CNOT3: variants seen among roughly 807,000 people sequenced by gnomAD.
The protein encoded by CNOT3 is CCR4-NOT transcription complex subunit 3, also known as CCR4-associated factor 3.
A neutral mutation model predicts 89.4 loss-of-function variants in CNOT3; 2 were observed. The observed-to-expected ratio is 0.02, with a 90% confidence interval of 0.01 to 0.07. The LOEUF (loss-of-function observed/expected upper bound fraction) is 0.07, where lower values mean the gene tolerates loss of function less well. Ranked by LOEUF, CNOT3 falls within the 10% of genes least tolerant of loss-of-function variation. The pLI is 1.00. For missense variants in CNOT3, 664 were observed against 1,010.2 expected, an observed-to-expected ratio of 0.66 and a Z score of 4.65; for synonymous variants, 486 against 402.0, an observed-to-expected ratio of 1.21 and a Z score of -2.50.
Position 54,145,932 on chromosome 19 carries a change from C to T in CNOT3, c.726C>T (p.Ser242=), listed in dbSNP as rs746793484. 1.2e-6 allele frequency: 2 copies of T among 1,613,702 alleles called. No individual in the cohort carries two copies. The highest frequency in any genetic ancestry group is 3.3e-5 in the Admixed American group (2 of 60,010). Residue 242 remains serine, a synonymous_variant, in exon 9 of 18, where the codon TCC becomes TCT. Coordinates refer to ENST00000221232, the MANE Select transcript of CNOT3 (RefSeq NM_014516.4). This position sits in a 1 kb window ranked among gnomAD's most constrained non-coding sequence, Gnocchi z 5.9. The stretch of plus-strand genomic sequence containing the variant: ...CAGCACAGGCGCTGGTCGCCACCTC[C>T]CCCCCCAGCCACAGCCACATGGAGG... ...EDIPQALVAT[S]PPSHSHMEDE...
chr19:54,145,470 C>T lies in CNOT3; in HGVS notation c.484-128C>T. On this transcript the variant is annotated intron_variant, in intron 7 of 17. Coordinates refer to ENST00000221232, the MANE Select transcript of CNOT3 (RefSeq NM_014516.4). The surrounding 1 kb of genome is among the most constrained non-coding windows in gnomAD (Gnocchi z 5.9). The stretch of plus-strand genomic sequence containing the variant: ...TGGGTGGACCCCATACTGCCCCACC[C>T]CGAAGGGGATGGCGTGGAGGCTTTG... 1 of 673,458 alleles carries T rather than the reference C, an allele frequency of 1.5e-6. No individual in the cohort carries two copies. The highest frequency in any genetic ancestry group is 1.8e-5 in the African/African-American group (1 of 55,814). The allele number at this position is 673,458 out of a possible 1,614,324, so 41.7% of individuals were successfully genotyped here.
In CNOT3 at chr19:54,145,309, G is replaced by A. The variant is rs1021227735; in HGVS notation, c.484-289G>A. On this transcript the variant is annotated intron_variant, in intron 7 of 17. Coordinates refer to ENST00000221232, the MANE Select transcript of CNOT3 (RefSeq NM_014516.4). This position sits in a 1 kb window ranked among gnomAD's most constrained non-coding sequence, Gnocchi z 5.9. ...GTGAGGTGCAGATGGAGGCCAAGTC[G>A]TGGGATGGCACAAGGACCTCTGGGT... Among the ~76,000 whole-genome samples the A allele has an allele frequency of 6.6e-6, 1 of 152,138 alleles. No homozygotes were observed. Among genetic ancestry groups the A allele is most frequent in the South Asian group, 2.1e-4 (1 of 4,834 alleles).
chr19:54,138,269 C>T (rs1259839697), intron 1 of CNOT3, among the ~76,000 whole-genome samples: 1 of 152,192 alleles, frequency 6.6e-6, no homozygotes, highest in African/African-American at 2.4e-5. Context: ...CCCGCCGCCG[C>T]CTCCCCGCGT....
chr19:54,147,657 C>T (rs753717272), intron 10 of CNOT3, among the ~76,000 whole-genome samples: 21 of 152,192 alleles, frequency 1.4e-4, no homozygotes, highest in Non-Finnish European at 2.6e-4. Context: ...ACCCTCCCAC[C>T]ACTTTCTGGA....
chr19:54,149,466 C>T, intron 12 of CNOT3, 94 bp from the exon 13 acceptor site: 1 of 710,004 alleles, frequency 1.4e-6, no homozygotes, highest in East Asian at 2.8e-5. Context: ...CCCATCTGAT[C>T]TGTGCAGTCT....
Position 54,142,973 on chromosome 19 carries a change from G to A in CNOT3, c.-6G>A. 6.2e-7 allele frequency: 1 copy of A among 1,613,966 alleles called. No individual in the cohort carries two copies. Among genetic ancestry groups the A allele is most frequent in the East Asian group, 2.2e-5 (1 of 44,880 alleles). ...ATGAAGAGAGTGCGTCTGTAGGGCA[G>A]GGAAGATGGCGGACAAGCGCAAACT... On this transcript the variant is annotated 5_prime_UTR_variant, in exon 2 of 18. Transcript: ENST00000221232.
rs760377575 is a variant in CNOT3 at position 54,148,237 on chromosome 19, G to A, written c.984G>A (p.Pro328=). The A allele has an allele frequency of 1.3e-5, 20 of 1,590,066 alleles. No individual in the cohort carries two copies. In the East Asian group the frequency reaches 1.6e-4, roughly 13 times the overall value. ...CGCCCACCTACCCCTCCGGCCCCCC[G>A]CCTGCTGCCTCTGCCTTGAGCACCA... ...AVPPTYPSGP[P]PAASALSTTP... is the part of the protein sequence containing the mutation. Residue 328 remains proline, a synonymous_variant, in exon 11 of 18, where the codon CCG becomes CCA. Coordinates refer to ENST00000221232, the MANE Select transcript of CNOT3 (RefSeq NM_014516.4). The surrounding 1 kb of genome is among the most constrained non-coding windows in gnomAD (Gnocchi z 6.3).
Position 54,155,080 on chromosome 19 carries a change from G to A in CNOT3, c.2164-229G>A, listed in dbSNP as rs1012848546. On this transcript the variant is annotated intron_variant, in intron 17 of 17. Coordinates refer to ENST00000221232, the MANE Select transcript of CNOT3 (RefSeq NM_014516.4). ...GGGCCCCGTTCTGGCAGCTGGCTTC[G>A]GTGGAACCTCTGCGGCCCCCTCCGT... 33 of 563,686 alleles carry A rather than the reference G, an allele frequency of 5.9e-5. No individual in the cohort carries two copies. The Middle Eastern group carries it at 1.4e-3, about 24-fold the overall frequency. The allele number at this position is 563,686 out of a possible 1,614,324, so 34.9% of individuals were successfully genotyped here.
chr19:54,143,315 G>C, intron 3 of CNOT3, 127 bp from the exon 4 acceptor site: 1 of 987,378 alleles, frequency 1.0e-6, no homozygotes, highest in Admixed American at 1.8e-5. Flanking sequence ...AAGAGAATCA[G>C]CTCTAAGATG....
At chr19:54,138,743 TC>T (rs2074327278) in intron 1 of CNOT3, among the ~76,000 whole-genome samples, 1 of 152,168 alleles carries the variant, frequency 6.6e-6, no homozygotes, top group Non-Finnish European at 1.5e-5. Flanking sequence ...CTGCAGCTCT[TC>T]CCTCTCATAG....
At chr19:54,153,574 C>T (rs1283919423) in intron 16 of CNOT3, 141 bp from the exon 17 acceptor site, 6 of 783,986 alleles carry the variant, frequency 7.7e-6, no homozygotes, top group Non-Finnish European at 1.4e-5. Context: ...TGCCCCCAGC[C>T]CCATCTCCAA....
In CNOT3 at chr19:54,145,559, C is replaced by G; in HGVS notation, c.484-39C>G. ...GGGGGCAGGAGGGGCCAAGCAGGTGCTCTGCAGCCCCTGAGCCTGGCCCTG... is the reference window on the plus strand; with the variant it reads ...GGGGGCAGGAGGGGCCAAGCAGGTGGTCTGCAGCCCCTGAGCCTGGCCCTG... On this transcript the variant is annotated intron_variant, in intron 7 of 17. Coordinates refer to ENST00000221232, the MANE Select transcript of CNOT3 (RefSeq NM_014516.4). The surrounding 1 kb of genome is among the most constrained non-coding windows in gnomAD (Gnocchi z 5.9). 17 of 1,458,984 alleles carry G rather than the reference C, an allele frequency of 1.2e-5. No individual in the cohort carries two copies. Among genetic ancestry groups the G allele is most frequent in the Non-Finnish European group, 1.6e-5 (17 of 1,042,740 alleles). The allele number at this position is 1,458,984 out of a possible 1,614,324, so 90.4% of individuals were successfully genotyped here.
intron 13 of CNOT3, among the ~76,000 whole-genome samples, chr19:54,150,659 T>C (rs1202873140): frequency 9.7e-6 from 1 of 103,576 alleles, no homozygotes; most frequent in Non-Finnish European, 2.3e-5. Flanking sequence ...GTCTTGGCAT[T>C]GTCCTTTCTG....
intron 10 of CNOT3, among the ~76,000 whole-genome samples, chr19:54,147,913 G>C (rs1408021864): frequency 1.3e-5 from 2 of 152,196 alleles, no homozygotes; most frequent in Non-Finnish European, 2.9e-5. Flanking sequence ...GCGGTGTCCA[G>C]GCAGGACTTG....
Position 54,153,964 on chromosome 19 carries a change from G to A in CNOT3, c.2163+124G>A, listed in dbSNP as rs573016083. On this transcript the variant is annotated intron_variant, in intron 17 of 17. Coordinates refer to ENST00000221232, the MANE Select transcript of CNOT3 (RefSeq NM_014516.4). The stretch of plus-strand genomic sequence containing the variant: ...TTCAGCTGGCGCAGTCCCTCAGCCT[G>A]ACCAAGTACTCCTCCCTCTGGCTGT... 11 of 1,219,686 alleles carry A rather than the reference G, an allele frequency of 9.0e-6. No individual in the cohort carries two copies. In the South Asian group the frequency reaches 1.3e-4, roughly 15 times the overall value. 75.6% of individuals were successfully genotyped at this position (1,219,686 alleles called of 1,614,324 possible). A position where few individuals can be genotyped will look rare whatever the true frequency, so the allele number is the denominator to read the frequency against.
Position 54,148,007 on chromosome 19 carries a change from G to A in CNOT3, c.895-141G>A. On this transcript the variant is annotated intron_variant, in intron 10 of 17. Transcript: ENST00000221232. The surrounding 1 kb of genome is among the most constrained non-coding windows in gnomAD (Gnocchi z 6.3). Reference sequence around the variant, plus strand: ...CATGAGGGTGAGTAAGGTCACCCAGGTCCCCAAGAGGGCAGGAGCAGGTGG... The same window carrying A: ...CATGAGGGTGAGTAAGGTCACCCAGATCCCCAAGAGGGCAGGAGCAGGTGG... 1 of 541,244 alleles carries A rather than the reference G, an allele frequency of 1.8e-6. No individual in the cohort carries two copies. The highest frequency in any genetic ancestry group is 3.1e-6 in the Non-Finnish European group (1 of 320,100). The allele number at this position is 541,244 out of a possible 1,614,324, so 33.5% of individuals were successfully genotyped here.
At position 54,142,983 on chromosome 19, in the gene CNOT3, C is replaced by G; in HGVS notation, c.5C>G (p.Ala2Gly). 6.2e-7 allele frequency: 1 copy of G among 1,613,924 alleles called. No individual in the cohort carries two copies. Residue 2 changes from alanine to glycine, a missense_variant, in exon 2 of 18, where the codon GCG (alanine) becomes GGG (glycine). Ala to Gly is a moderately conservative substitution (Grantham distance 60). Coordinates refer to ENST00000221232, the MANE Select transcript of CNOT3 (RefSeq NM_014516.4). The stretch of plus-strand genomic sequence containing the variant: ...TGCGTCTGTAGGGCAGGGAAGATGG[C>G]GGACAAGCGCAAACTCCAAGGTACT... MADKRKLQGEID... is the reference protein window; with the variant it reads MGDKRKLQGEID...
Position 54,148,673 on chromosome 19 carries a change from G to C in CNOT3, c.1336G>C (p.Gly446Arg). ...GGCAGAGGTGGCTTTGAGCAGCAGT[G>C]GGGGCAACAATGCCAGCAGCCAGGC... ...SPAEVALSSS[G>R]GNNASSQALG... is the part of the protein sequence containing the mutation. Residue 446 changes from glycine (G) to arginine (R), a missense_variant, in exon 12 of 18, where the codon GGG (glycine) becomes CGG (arginine). This residue lies in a region of CNOT3 where 545 missense variants were observed against 566.2 expected (regional missense o/e 0.96). Coordinates refer to ENST00000221232, the MANE Select transcript of CNOT3 (RefSeq NM_014516.4). The surrounding 1 kb of genome is among the most constrained non-coding windows in gnomAD (Gnocchi z 6.3). 2 of 1,610,976 alleles carry C rather than the reference G, an allele frequency of 1.2e-6. No homozygotes were observed. The highest frequency in any genetic ancestry group is 1.7e-6 in the Non-Finnish European group (2 of 1,178,702).
At chr19:54,143,238 G>A in intron 3 of CNOT3, 52 bp downstream of exon 3, 1 of 1,539,856 alleles carries the variant, frequency 6.5e-7, no homozygotes, top group Non-Finnish European at 9.0e-7. Context: ...GAGGGCACAG[G>A]AAGGCGGCTC....
Sources: gnomAD v4.1 joint callset for allele counts (sites outside exome capture counted in the v4.1 genomes callset) on GRCh38, gnomAD v4.1.1 for gene constraint, gnomAD v4.1.1 regional missense constraint, Gnocchi (gnomAD v3.1) non-coding constraint, MANE v1.5 for transcripts, NCBI Gene and HGNC (gene_info 2026-07-23, HGNC 2026-07-21) for gene names.